RAPGEF6: variants seen among roughly 807,000 people sequenced by gnomAD.
The protein encoded by RAPGEF6 is PDZ domain containing guanine nucleotide exchange factor (GEF) 2.
RAPGEF6 carries 56 observed loss-of-function variants against 171.4 expected under a neutral mutation model. The observed-to-expected ratio is 0.33, with a 90% CI of 0.26 to 0.41. RAPGEF6 has a LOEUF of 0.41. Ranked by LOEUF, RAPGEF6 falls within the 10% of genes least tolerant of loss-of-function variation. RAPGEF6 has a pLI of 1.00. For missense variants in RAPGEF6, 1,674 were observed against 1,921.4 expected, an observed-to-expected ratio of 0.87 and a Z score of 2.41; for synonymous variants, 692 against 650.1, an observed-to-expected ratio of 1.06 and a Z score of -0.98.
intron 5 of RAPGEF6, among the ~76,000 whole-genome samples, chr5:131,554,993 T>C (rs536508330): frequency 6.6e-6 from 1 of 152,168 alleles, no homozygotes; most frequent in African/African-American, 2.4e-5. Flanking sequence ...GTGGTGAAAG[T>C]AAATTCAAAC....
chr5:131,588,164 A>G (rs943282439), intron 4 of RAPGEF6, among the ~76,000 whole-genome samples: 16 of 152,112 alleles, frequency 1.1e-4, no homozygotes, highest in Non-Finnish European at 2.4e-4. Context: ...TCCCCTCCCA[A>G]CAACTCTAAG....
rs570218512 is a variant in RAPGEF6 at position 131,544,974 on chromosome 5, G to A, written c.495+3073C>T. 2.7e-4 allele frequency among the ~76,000 whole-genome samples: 41 copies of A among 152,220 alleles called. 1 individual carries two copies. In the South Asian group the frequency reaches 4.8e-3, roughly 18 times the overall value. The stretch of plus-strand genomic sequence containing the variant: ...TGGGATTTCAGGCATGAGCCACCAC[G>A]CCTGGCCCAAACTGTGCACTTTAAA... On this transcript the variant is annotated intron_variant, in intron 6 of 27. Coordinates refer to ENST00000509018, the MANE Select transcript of RAPGEF6 (RefSeq NM_016340.6).
At chr5:131,622,522 G>C (rs1765652404) in intron 1 of RAPGEF6, among the ~76,000 whole-genome samples, 1 of 152,134 alleles carries the variant, frequency 6.6e-6, no homozygotes, top group Admixed American at 6.5e-5. Context: ...TCTCACCTTT[G>C]GCATGTAATG....
intron 15 of RAPGEF6, among the ~76,000 whole-genome samples, chr5:131,487,327 G>C (rs1260744294): frequency 6.6e-6 from 1 of 152,226 alleles, no homozygotes; most frequent in Non-Finnish European, 1.5e-5. Flanking sequence ...GGTGGAAGGG[G>C]ACCCTGGCAG....
intron 16 of RAPGEF6, among the ~76,000 whole-genome samples, chr5:131,473,860 A>T (rs1240349655): frequency 6.6e-6 from 1 of 152,224 alleles, no homozygotes; most frequent in Non-Finnish European, 1.5e-5. Flanking sequence ...AGGACTGTTA[A>T]TAGTCAGACA....
intron 1 of RAPGEF6, 106 bp downstream of exon 1, chr5:131,634,856 G>T: frequency 8.0e-7 from 1 of 1,252,450 alleles, no homozygotes; most frequent in Non-Finnish European, 1.2e-6. Context: ...ATTCCCAGTA[G>T]CAGGTGCGAG....
chr5:131,545,323 T>C (rs946136491), intron 6 of RAPGEF6, among the ~76,000 whole-genome samples: 1 of 152,108 alleles, frequency 6.6e-6, no homozygotes, highest in Non-Finnish European at 1.5e-5. Flanking sequence ...TAAAGAATAA[T>C]TATGATAAAC....
At chr5:131,482,737 T>G (rs1022175145) in intron 15 of RAPGEF6, among the ~76,000 whole-genome samples, 4 of 152,220 alleles carry the variant, frequency 2.6e-5, no homozygotes, top group Non-Finnish European at 5.9e-5. Context: ...GCATAAAACA[T>G]AACCAGAGGA....
intron 1 of RAPGEF6, among the ~76,000 whole-genome samples, chr5:131,622,114 A>G (rs369053513): frequency 1.6e-4 from 24 of 152,178 alleles, no homozygotes; most frequent in Admixed American, 9.2e-4. Flanking sequence ...TGTGCCTCAG[A>G]GAGTCATTTA....
intron 4 of RAPGEF6, among the ~76,000 whole-genome samples, chr5:131,574,833 CACCCTT>C (rs1013076491): frequency 1.3e-5 from 2 of 152,038 alleles, no homozygotes; most frequent in African/African-American, 2.4e-5. Context: ...AAAACCTAAT[CACCCTT>C]ACCCCGCTCA....
At chr5:131,554,344 C>T (rs751690394) in intron 5 of RAPGEF6, among the ~76,000 whole-genome samples, 3 of 152,070 alleles carry the variant, frequency 2.0e-5, no homozygotes, top group East Asian at 1.9e-4. Flanking sequence ...ACTATTAGGA[C>T]GGTCTCATAT....
intron 4 of RAPGEF6, among the ~76,000 whole-genome samples, chr5:131,586,630 TA>T (rs879628697): frequency 3.0e-4 from 43 of 145,292 alleles, no homozygotes; most frequent in South Asian, 1.7e-3. Flanking sequence ...GACTCTATCT[TA>T]AAAAAAAAAA....
intron 4 of RAPGEF6, among the ~76,000 whole-genome samples, chr5:131,578,977 C>T (rs1269205313): frequency 6.6e-6 from 1 of 152,080 alleles, no homozygotes; most frequent in African/African-American, 2.4e-5. Flanking sequence ...AGAATGAAGC[C>T]GCGGACCCTC....
chr5:131,499,311 T>A (rs891965832), intron 11 of RAPGEF6, among the ~76,000 whole-genome samples: 1 of 152,182 alleles, frequency 6.6e-6, no homozygotes, highest in Non-Finnish European at 1.5e-5. Flanking sequence ...GGGCGTGGTG[T>A]GGCTCATGCC....
rs138212807 is a variant in RAPGEF6, at chr5:131,448,359, C to T, written c.3201-1656G>A. 1.9e-3 allele frequency among the ~76,000 whole-genome samples: 282 copies of T among 152,200 alleles called. 1 individual carries two copies. The highest frequency in any genetic ancestry group is 3.5e-3 in the Non-Finnish European group (236 of 68,002). On this transcript the variant is annotated intron_variant, in intron 21 of 27. Coordinates refer to ENST00000509018, the MANE Select transcript of RAPGEF6 (RefSeq NM_016340.6). ...TATTGATTTTTAAAAATTCAGTTTTCACACTGTGATAAAAATCCATAGCCA... is the reference window on the plus strand; with the variant it reads ...TATTGATTTTTAAAAATTCAGTTTTTACACTGTGATAAAAATCCATAGCCA...
intron 23 of RAPGEF6, among the ~76,000 whole-genome samples, chr5:131,441,279 T>C (rs1752367219): frequency 1.3e-5 from 2 of 152,340 alleles, no homozygotes; most frequent in East Asian, 1.9e-4. Flanking sequence ...AAGACTGATA[T>C]ATAAAATTAG....
intron 7 of RAPGEF6, among the ~76,000 whole-genome samples, chr5:131,515,817 C>A (rs1396801410): frequency 2.0e-5 from 3 of 151,920 alleles, no homozygotes; most frequent in South Asian, 4.2e-4. Flanking sequence ...TGTGATGGGG[C>A]AGAATCTAGA....
chr5:131,619,598 A>T (rs765773322), intron 1 of RAPGEF6, among the ~76,000 whole-genome samples: 1 of 152,226 alleles, frequency 6.6e-6, no homozygotes, highest in Admixed American at 6.5e-5. Context: ...CCAATTGTTT[A>T]TAAGTTCAAA....
chr5:131,448,946 C>G (rs1179216356), intron 21 of RAPGEF6, among the ~76,000 whole-genome samples: 1 of 151,992 alleles, frequency 6.6e-6, no homozygotes, highest in Non-Finnish European at 1.5e-5. Flanking sequence ...GGGAAACACA[C>G]AGAGAAGGGA....
Sources: allele counts gnomAD v4.1 joint callset (sites outside exome capture counted in the v4.1 genomes callset), GRCh38; gene constraint gnomAD v4.1.1; transcripts MANE v1.5; gene names NCBI Gene and HGNC (gene_info 2026-07-23, HGNC 2026-07-21).